The following ADARB1 variants were observed in gnomAD, a reference collection of about 807,000 sequenced individuals.
ADARB1 encodes the protein double-stranded RNA-specific editase 1.
Under a neutral mutation model 52.4 loss-of-function variants are expected in ADARB1, and 10 were observed. The observed-to-expected ratio is 0.19, with a 90% confidence interval of 0.12 to 0.32. The LOEUF is 0.32. Among genes scored for constraint, ADARB1 ranks in the 10% least tolerant of loss-of-function variants. The pLI is 1.00. For synonymous variants in ADARB1, 349 were observed against 371.1 expected (o/e 0.94, Z 0.68); for missense variants, 643 against 922.3 (o/e 0.70, Z 3.92).
In ADARB1 at chr21:45,154,269, A is replaced by G. The variant is rs8126622; in HGVS notation, c.-47-17341A>G. On this transcript the variant is annotated intron_variant, in intron 2 of 10. Transcript: ENST00000348831. ...TGGCTTGTGTTCCTTGGTCATTCCT[A>G]TGTGAGTAAGTTCATTGTGAGTGTT... is the stretch of plus-strand genomic sequence containing the variant. 1.6e-3 allele frequency among the ~76,000 whole-genome samples: 242 copies of G among 152,308 alleles called. 2 individuals are homozygous for G. Among genetic ancestry groups the G allele is most frequent in the African/African-American group, 5.4e-3 (226 of 41,568 alleles).
intron 8 of ADARB1, among the ~76,000 whole-genome samples, chr21:45,188,475 G>T (rs903836221): frequency 2.6e-5 from 4 of 152,126 alleles, no homozygotes; most frequent in African/African-American, 9.7e-5. Flanking sequence ...TAGTTTGAAT[G>T]AATTGTTTTT....
Position 45,222,896 on chromosome 21 carries a change from A to T in ADARB1, c.*699A>T. On this transcript the variant is annotated 3_prime_UTR_variant, in exon 11 of 11. Transcript: ENST00000348831. ...TGACTGTGTGTCCTGCAGAGGCGTGACCCAGGCCCCTGTAGCCCTCAGCCT... is the reference window on the plus strand; with the variant it reads ...TGACTGTGTGTCCTGCAGAGGCGTGTCCCAGGCCCCTGTAGCCCTCAGCCT... 3 of 985,496 alleles carry T rather than the reference A, an allele frequency of 3.0e-6. No homozygotes were observed. The highest frequency in any genetic ancestry group is 3.6e-6 in the Non-Finnish European group (3 of 829,968). The allele number at this position is 985,496 out of a possible 1,614,324, so 61.0% of individuals were successfully genotyped here.
chr21:45,147,909 C>G (rs1297578659), intron 2 of ADARB1, among the ~76,000 whole-genome samples: 3 of 152,192 alleles, frequency 2.0e-5, no homozygotes, highest in Non-Finnish European at 2.9e-5. Flanking sequence ...CACCACTTCT[C>G]CTCTGTCACC....
Position 45,093,861 on chromosome 21 carries a change from T to C in ADARB1, c.-220+19068T>C, listed in dbSNP as rs951037592. ...TCTGCCCTTTTAAGTACATTAGGAT[T>C]GGGTTTTTCGACCCTGCACAGCACA... On this transcript the variant is annotated intron_variant, in intron 1 of 10. Coordinates refer to ENST00000348831, the MANE Select transcript of ADARB1 (RefSeq NM_001112.4). Among the ~76,000 whole-genome samples, 3 of 152,202 alleles carry C rather than the reference T, an allele frequency of 2.0e-5. No homozygotes were observed. In the South Asian group the frequency reaches 6.2e-4, roughly 32 times the overall value.
intron 9 of ADARB1, among the ~76,000 whole-genome samples, chr21:45,216,884 A>T (rs1179959244): frequency 6.6e-6 from 1 of 151,724 alleles, no homozygotes; most frequent in Non-Finnish European, 1.5e-5. Context: ...TAGCTCTGTG[A>T]TTAGATGCAT....
At chr21:45,119,160 G>A (rs865903975) in intron 1 of ADARB1, among the ~76,000 whole-genome samples, 6 of 152,182 alleles carry the variant, frequency 3.9e-5, no homozygotes, top group Non-Finnish European at 7.4e-5. Context: ...TGTGATCGTG[G>A]CTCACTGCAG....
At chr21:45,181,348 A>G (rs2091925714) in intron 5 of ADARB1, 1 of 152,354 alleles carries the variant, frequency 6.6e-6, no homozygotes, top group South Asian at 2.1e-4. Flanking sequence ...GCTCATGACC[A>G]TTGTTTCCTT....
chr21:45,184,582 C>A, intron 7 of ADARB1: 1 of 339,068 alleles, frequency 2.9e-6, no homozygotes, highest in South Asian at 2.4e-5. Flanking sequence ...TTCCAAGGAG[C>A]TGGGACTACA....
chr21:45,156,012 A>C, intron 2 of ADARB1, among the ~76,000 whole-genome samples: 3 of 133,910 alleles, frequency 2.2e-5, no homozygotes, highest in Non-Finnish European at 4.7e-5. Flanking sequence ...TCATCCACTC[A>C]CCCACCCACC....
chr21:45,225,733 G>C lies in ADARB1; in HGVS notation c.*3536G>C. ...GTGGTCTGCCCCAGGCATAAAGAAG[G>C]AAAATTGGCCATCTTTCCCACCTCT... On this transcript the variant is annotated 3_prime_UTR_variant, in exon 11 of 11. Coordinates refer to ENST00000348831, the MANE Select transcript of ADARB1 (RefSeq NM_001112.4). The C allele has an allele frequency of 2.1e-6, 1 of 469,782 alleles. No homozygotes were observed. 29.1% of individuals were successfully genotyped at this position (469,782 alleles called of 1,614,324 possible). A position where few individuals can be genotyped will look rare whatever the true frequency, so the allele number is the denominator to read the frequency against.
intron 2 of ADARB1, among the ~76,000 whole-genome samples, chr21:45,166,726 T>C (rs951056471): frequency 2.6e-5 from 4 of 152,224 alleles, no homozygotes; most frequent in African/African-American, 9.6e-5. Flanking sequence ...GTTGGATTTG[T>C]ACCTGGAACC....
chr21:45,105,444 A>G (rs2087205514), intron 1 of ADARB1, among the ~76,000 whole-genome samples: 1 of 152,146 alleles, frequency 6.6e-6, no homozygotes, highest in Non-Finnish European at 1.5e-5. Flanking sequence ...ATGATTTTCT[A>G]GAGAAGCATT....
intron 1 of ADARB1, among the ~76,000 whole-genome samples, chr21:45,097,566 C>A (rs1016382357): frequency 6.6e-6 from 1 of 151,832 alleles, no homozygotes; most frequent in Non-Finnish European, 1.5e-5. Context: ...GCTGTCCAGG[C>A]AGGAGTGATG....
At chr21:45,098,235 A>C (rs927233671) in intron 1 of ADARB1, among the ~76,000 whole-genome samples, 1 of 150,760 alleles carries the variant, frequency 6.6e-6, no homozygotes, top group Non-Finnish European at 1.5e-5. Flanking sequence ...CTTCCTCCTC[A>C]CCCCACGGCT....
intron 1 of ADARB1, among the ~76,000 whole-genome samples, chr21:45,087,478 G>A (rs1251099379): frequency 1.3e-5 from 2 of 152,184 alleles, no homozygotes; most frequent in African/African-American, 2.4e-5. Flanking sequence ...CTTGTGCAGA[G>A]GAGATACAGG....
Position 45,204,804 on chromosome 21 carries a change from T to C in ADARB1, c.1747+68T>C, listed in dbSNP as rs1335187622. 2 of 1,520,744 alleles carry C rather than the reference T, an allele frequency of 1.3e-6. No individual in the cohort carries two copies. The highest frequency in any genetic ancestry group is 1.8e-6 in the Non-Finnish European group (2 of 1,115,236). The allele number at this position is 1,520,744 out of a possible 1,614,324, so 94.2% of individuals were successfully genotyped here. A position where few individuals can be genotyped will look rare whatever the true frequency, so the allele number is the denominator to read the frequency against. Reference sequence around the variant, plus strand: ...TTTGCAATGTTTTCATCCTCATGAATGAAAAAAACACCACCTGAGCTGCTC... The same window carrying C: ...TTTGCAATGTTTTCATCCTCATGAACGAAAAAAACACCACCTGAGCTGCTC... On this transcript the variant is annotated intron_variant, in intron 9 of 10. Transcript: ENST00000348831. This position sits in a 1 kb window ranked among gnomAD's most constrained non-coding sequence, Gnocchi z 4.4.
At chr21:45,075,371 G>A (rs980390045) in intron 1 of ADARB1, among the ~76,000 whole-genome samples, 1 of 152,048 alleles carries the variant, frequency 6.6e-6, no homozygotes, top group Non-Finnish European at 1.5e-5. Flanking sequence ...GGCTGGGCCC[G>A]GGCAGGGGAG....
intron 2 of ADARB1, among the ~76,000 whole-genome samples, chr21:45,160,110 C>T (rs78592107): frequency 6.6e-6 from 1 of 152,218 alleles, no homozygotes; most frequent in African/African-American, 2.4e-5. Flanking sequence ...GGGAGGTCAC[C>T]ATGTCTGCCT....
rs2092952344 is a variant in ADARB1, at chr21:45,220,864, A to C, written c.1776A>C (p.Pro592=). 6.2e-7 allele frequency: 1 copy of C among 1,613,274 alleles called. No homozygotes were observed. The highest frequency in any genetic ancestry group is 1.3e-5 in the African/African-American group (1 of 74,948). Residue 592 remains proline (P), a synonymous_variant, in exon 10 of 11, where the codon CCA becomes CCC. Transcript: ENST00000348831. The surrounding 1 kb of genome is among the most constrained non-coding windows in gnomAD (Gnocchi z 6.3). ...TCAGCAATGCAGAAGCACGGCAGCC[A>C]GGGAAGGCCCCCAACTTCAGTGTCA... ...SGISNAEARQ[P]GKAPNFSVNW...
Sources: gnomAD v4.1 joint callset for allele counts (sites outside exome capture counted in the v4.1 genomes callset) on GRCh38, gnomAD v4.1.1 for gene constraint, Gnocchi (gnomAD v3.1) non-coding constraint, MANE v1.5 for transcripts, NCBI Gene and HGNC (gene_info 2026-07-23, HGNC 2026-07-21) for gene names.